Variants in LHFPL2 observed in about 807,000 individuals in gnomAD.
The protein encoded by LHFPL2 is LHFPL tetraspan subfamily member 2.
In LHFPL2, 7 loss-of-function variants were observed where a neutral mutation model predicts 17.5. The ratio of observed to expected loss-of-function variants is 0.40; its 90% CI spans 0.23 to 0.75. The LOEUF (loss-of-function observed/expected upper bound fraction) is 0.75. Ranked by LOEUF, LHFPL2 falls within the 30% of genes least tolerant of loss-of-function variation. LHFPL2 has a pLI of 0.37. For synonymous variants in LHFPL2, 134 were observed against 116.2 expected, an observed-to-expected ratio of 1.15 and a Z score of -0.99; for missense variants, 241 against 294.8, an observed-to-expected ratio of 0.82 and a Z score of 1.34.
chr5:78,494,268 A>C, intron 4 of LHFPL2: 1 of 677,206 alleles, frequency 1.5e-6, no homozygotes, highest in Non-Finnish European at 1.8e-6. Flanking sequence ...GCTGGGAGGA[A>C]GAAGAAATGG....
intron 2 of LHFPL2, among the ~76,000 whole-genome samples, chr5:78,619,499 ATT>A (rs1744751823): frequency 6.7e-6 from 1 of 148,708 alleles, no homozygotes; most frequent in Non-Finnish European, 1.5e-5. Context: ...ATATATATAT[ATT>A]TATTTTATTA....
At chr5:78,580,958 A>G (rs1248909600) in intron 2 of LHFPL2, among the ~76,000 whole-genome samples, 1 of 152,160 alleles carries the variant, frequency 6.6e-6, no homozygotes, top group Non-Finnish European at 1.5e-5. Flanking sequence ...TTTTCACGAT[A>G]TTGATTCTTC....
intron 2 of LHFPL2, among the ~76,000 whole-genome samples, chr5:78,574,249 A>ACC (rs1234290680): frequency 6.6e-6 from 1 of 152,156 alleles, no homozygotes; most frequent in African/African-American, 2.4e-5. Flanking sequence ...TTTAGCTGTT[A>ACC]AAGACGTGGG....
intron 2 of LHFPL2, among the ~76,000 whole-genome samples, chr5:78,577,238 GC>G (rs1034729281): frequency 2.6e-5 from 4 of 152,162 alleles, no homozygotes; most frequent in Non-Finnish European, 5.9e-5. Flanking sequence ...TCGTCCTGAT[GC>G]CCTAACTGTA....
chr5:78,554,620 G>A (rs1349906631), intron 3 of LHFPL2, among the ~76,000 whole-genome samples: 1 of 152,232 alleles, frequency 6.6e-6, no homozygotes, highest in African/African-American at 2.4e-5. Context: ...ATACAGATAA[G>A]GGAAGGCAGA....
intron 3 of LHFPL2, among the ~76,000 whole-genome samples, chr5:78,521,792 C>T (rs1304634260): frequency 6.6e-6 from 1 of 152,226 alleles, no homozygotes; most frequent in Non-Finnish European, 1.5e-5. Flanking sequence ...CTGACTTTTG[C>T]TCCAATCTGC....
At chr5:78,608,722 G>A (rs773708950) in intron 2 of LHFPL2, among the ~76,000 whole-genome samples, 1 of 152,070 alleles carries the variant, frequency 6.6e-6, no homozygotes, top group Non-Finnish European at 1.5e-5. Flanking sequence ...CATGAGGTCA[G>A]GAGTTCAAGA....
At chr5:78,567,384 A>G (rs1305049610) in intron 2 of LHFPL2, among the ~76,000 whole-genome samples, 4 of 151,928 alleles carry the variant, frequency 2.6e-5, no homozygotes, top group Non-Finnish European at 5.9e-5. Context: ...TAAATATGCT[A>G]TTTCGAAAAT....
At chr5:78,584,363 T>C (rs962042064) in intron 2 of LHFPL2, among the ~76,000 whole-genome samples, 6 of 152,224 alleles carry the variant, frequency 3.9e-5, no homozygotes, top group Admixed American at 6.5e-5. Context: ...GGCGCCCTGC[T>C]TTTTAGAGTT....
At chr5:78,607,926 G>C (rs779467445) in intron 2 of LHFPL2, among the ~76,000 whole-genome samples, 2 of 152,116 alleles carry the variant, frequency 1.3e-5, no homozygotes, top group Non-Finnish European at 2.9e-5. Context: ...AATCACTCTA[G>C]GCAGTAAAAG....
intron 2 of LHFPL2, among the ~76,000 whole-genome samples, chr5:78,604,375 G>T (rs1442467665): frequency 6.6e-6 from 1 of 152,218 alleles, no homozygotes; most frequent in African/African-American, 2.4e-5. Context: ...TACTCGGGAG[G>T]CTGAGGCAGG....
intron 2 of LHFPL2, among the ~76,000 whole-genome samples, chr5:78,621,424 C>T (rs1400109427): frequency 6.6e-6 from 1 of 152,038 alleles, no homozygotes; most frequent in Non-Finnish European, 1.5e-5. Flanking sequence ...GCCTGCATCT[C>T]GGTGGAGTTA....
intron 3 of LHFPL2, among the ~76,000 whole-genome samples, chr5:78,523,692 T>C (rs1238650644): frequency 6.6e-6 from 1 of 152,050 alleles, no homozygotes; most frequent in Non-Finnish European, 1.5e-5. Flanking sequence ...CATTTCCCCC[T>C]AAAAAGAAGT....
intron 3 of LHFPL2, among the ~76,000 whole-genome samples, chr5:78,511,851 CTTAA>C (rs1477599473): frequency 6.6e-6 from 1 of 152,282 alleles, no homozygotes; most frequent in African/African-American, 2.4e-5. Context: ...AACATATGCA[CTTAA>C]TTGTCAGGGT....
intron 2 of LHFPL2, among the ~76,000 whole-genome samples, chr5:78,618,606 G>C (rs1744707223): frequency 6.6e-6 from 1 of 152,212 alleles, no homozygotes; most frequent in Non-Finnish European, 1.5e-5. Context: ...GAAGAGCAGT[G>C]TTCCTTCCAA....
chr5:78,583,959 T>TTTA (rs1236299906), intron 2 of LHFPL2, among the ~76,000 whole-genome samples: 1 of 152,060 alleles, frequency 6.6e-6, no homozygotes, highest in Non-Finnish European at 1.5e-5. Flanking sequence ...TAGTCCCATA[T>TTTA]TTATTGGAGG....
chr5:78,532,616 G>A (rs1003512884), intron 3 of LHFPL2, among the ~76,000 whole-genome samples: 4 of 152,100 alleles, frequency 2.6e-5, no homozygotes, highest in African/African-American at 7.2e-5. Context: ...TTAGGTTTCA[G>A]TTAATAACTG....
At chr5:78,508,871 A>ACTC (rs10648894) in intron 4 of LHFPL2, among the ~76,000 whole-genome samples, 135,569 of 152,056 alleles carry the variant, frequency 0.89, 60,630 homozygotes, top group African/African-American at 0.94. Flanking sequence ...GCAAGAGTCT[A>ACTC]CTCTACTTCT....
At chr5:78,509,693 T>C (rs2112321638) in intron 4 of LHFPL2, 91 bp downstream of exon 4, 1 of 1,328,210 alleles carries the variant, frequency 7.5e-7, no homozygotes, top group Non-Finnish European at 1.0e-6. Flanking sequence ...TCTCCAAAAC[T>C]AGCAGGAAGC....
Sources: gnomAD v4.1 joint callset for allele counts (sites outside exome capture counted in the v4.1 genomes callset) on GRCh38, gnomAD v4.1.1 for gene constraint, MANE v1.5 for transcripts, NCBI Gene and HGNC (gene_info 2026-07-23, HGNC 2026-07-21) for gene names.